AOPEP: variants seen among roughly 807,000 people sequenced by gnomAD.
AOPEP encodes the protein aminopeptidase O (putative).
Under a neutral mutation model 98.1 loss-of-function variants are expected in AOPEP, and 77 were observed. The ratio of observed to expected loss-of-function variants is 0.78; its 90% confidence interval spans 0.65 to 0.95. The LOEUF (loss-of-function observed/expected upper bound fraction) is 0.95, where lower values mean the gene tolerates loss of function less well. Among genes scored for constraint, AOPEP ranks in the 40% least tolerant of loss-of-function variants. The pLI, the probability that AOPEP is intolerant of heterozygous loss-of-function variation, is 0.00. For synonymous variants in AOPEP, 346 were observed against 365.3 expected (o/e 0.95, Z 0.60); for missense variants, 1,024 against 1,024.7 (o/e 1.00, Z 0.01).
the AOPEP span, among the ~76,000 whole-genome samples, chr9:95,140,122 A>G: frequency 6.6e-6 from 1 of 152,010 alleles, no homozygotes; most frequent in African/African-American, 2.4e-5. Flanking sequence ...TATCATAGTT[A>G]TGTTTTAGGA....
intron 7 of AOPEP, among the ~76,000 whole-genome samples, chr9:94,945,102 G>A (rs1177067070): frequency 1.3e-5 from 2 of 152,110 alleles, no homozygotes; most frequent in African/African-American, 4.8e-5. Context: ...TTGGATGGAT[G>A]GAAGACATCT....
At chr9:94,922,825 T>G (rs544690492) in intron 5 of AOPEP, among the ~76,000 whole-genome samples, 1 of 152,320 alleles carries the variant, frequency 6.6e-6, no homozygotes, top group East Asian at 1.9e-4. Context: ...GCTGTCTGTT[T>G]TGGCAGACAT....
chr9:95,025,048 C>T (rs1644853587), intron 13 of AOPEP, among the ~76,000 whole-genome samples: 1 of 152,126 alleles, frequency 6.6e-6, no homozygotes, highest in South Asian at 2.1e-4. Flanking sequence ...TTATAAAAAT[C>T]AAATCATTAT....
At chr9:95,110,673 C>T in the AOPEP span, 2 of 1,050,908 alleles carry the variant, frequency 1.9e-6, no homozygotes, top group Non-Finnish European at 1.1e-6. Flanking sequence ...ACAGAAAATG[C>T]CAAAGCCAAG....
chr9:95,108,493 G>A, the AOPEP span, among the ~76,000 whole-genome samples: 1 of 152,198 alleles, frequency 6.6e-6, no homozygotes, highest in African/African-American at 2.4e-5. Flanking sequence ...CCCTAAGATG[G>A]GGTCTATCTT....
At chr9:95,140,142 G>C in the AOPEP span, among the ~76,000 whole-genome samples, 1 of 151,894 alleles carries the variant, frequency 6.6e-6, no homozygotes, top group African/African-American at 2.4e-5. Flanking sequence ...AAATGGGGTG[G>C]ACATTTAGAA....
intron 14 of AOPEP, among the ~76,000 whole-genome samples, chr9:95,069,328 A>G (rs1233416175): frequency 6.6e-6 from 1 of 152,226 alleles, no homozygotes; most frequent in African/African-American, 2.4e-5. Context: ...TAGAGGAGGT[A>G]ACGATGGTCA....
intron 14 of AOPEP, among the ~76,000 whole-genome samples, chr9:95,071,814 A>G (rs2068540100): frequency 6.6e-6 from 1 of 152,198 alleles, no homozygotes; most frequent in African/African-American, 2.4e-5. Context: ...TGTCTCCAGT[A>G]TTGGGGTACT....
intron 7 of AOPEP, among the ~76,000 whole-genome samples, chr9:94,936,980 C>T (rs1158528429): frequency 2.0e-5 from 3 of 152,182 alleles, no homozygotes; most frequent in African/African-American, 7.2e-5. Context: ...GTGCCCCTTT[C>T]CCTGCGTTCA....
intron 13 of AOPEP, among the ~76,000 whole-genome samples, chr9:95,031,205 A>G (rs2064268445): frequency 6.6e-6 from 1 of 152,244 alleles, no homozygotes; most frequent in Non-Finnish European, 1.5e-5. Context: ...ATGCGTGGCC[A>G]AAGAATGTCA....
At chr9:95,089,048 G>A (rs1220082922), downstream of AOPEP, among the ~76,000 whole-genome samples, 1 of 152,208 alleles carries the variant, frequency 6.6e-6, no homozygotes, top group African/African-American at 2.4e-5. Context: ...CCAGGCAGGA[G>A]GCTCCCCGAG....
intron 5 of AOPEP, among the ~76,000 whole-genome samples, chr9:94,881,416 C>G (rs534348216): frequency 2.6e-5 from 4 of 152,068 alleles, no homozygotes; most frequent in Non-Finnish European, 5.9e-5. Flanking sequence ...AAAAGAATTT[C>G]TTGTTCTAGG....
intron 10 of AOPEP, among the ~76,000 whole-genome samples, chr9:94,971,198 A>G (rs1383818245): frequency 2.6e-5 from 4 of 152,120 alleles, no homozygotes; most frequent in African/African-American, 9.7e-5. Context: ...TAATTGTGGA[A>G]CTTAAGAGCA....
intron 5 of AOPEP, among the ~76,000 whole-genome samples, chr9:94,915,284 T>G (rs569561066): frequency 6.6e-6 from 1 of 152,356 alleles, no homozygotes; most frequent in East Asian, 1.9e-4. Context: ...ATCATCATTT[T>G]ATTTTTTCTT....
chr9:94,744,275 C>G (rs1007287952), intron 1 of AOPEP, among the ~76,000 whole-genome samples: 1 of 152,024 alleles, frequency 6.6e-6, no homozygotes, highest in Non-Finnish European at 1.5e-5. Flanking sequence ...GCCTGTAGTC[C>G]CAGCTACTCG....
At chr9:94,875,557 T>C (rs1318046686) in intron 5 of AOPEP, among the ~76,000 whole-genome samples, 1 of 152,178 alleles carries the variant, frequency 6.6e-6, no homozygotes, top group Non-Finnish European at 1.5e-5. Flanking sequence ...GTTTGAATAG[T>C]TGGCCACCTG....
chr9:95,048,668 G>A (rs868049322), intron 13 of AOPEP: 6 of 152,228 alleles, frequency 3.9e-5, no homozygotes, highest in African/African-American at 1.4e-4. Context: ...ACGGGAGCGG[G>A]GCTGCTATGT....
At chr9:94,984,575 A>G (rs2060400541) in intron 11 of AOPEP, among the ~76,000 whole-genome samples, 1 of 152,226 alleles carries the variant, frequency 6.6e-6, no homozygotes, top group Non-Finnish European at 1.5e-5. Flanking sequence ...AATGTTTTTA[A>G]AAATATTGGT....
In AOPEP at chr9:94,955,180, C is replaced by G. The variant is rs764602498; in HGVS notation, c.1665C>G (p.Pro555=). Residue 555 remains proline (P), a synonymous_variant, in exon 8 of 17, where the codon CCC becomes CCG. Coordinates refer to ENST00000375315, the MANE Select transcript of AOPEP (RefSeq NM_001193329.3). The part of the protein sequence containing the change: ...CSPEEMQVLR[P]SKDKTGHTSD... The stretch of plus-strand genomic sequence containing the variant: ...AATTGTTACTAAATCGTTTTAGACC[C>G]AGTAAAGACAAAACTGGCCACACAA... 4.4e-6 allele frequency: 7 copies of G among 1,603,518 alleles called. No individual in the cohort carries two copies. The East Asian group carries it at 1.6e-4, about 36-fold the overall frequency.
Sources: allele counts gnomAD v4.1 joint callset (sites outside exome capture counted in the v4.1 genomes callset), GRCh38; gene constraint gnomAD v4.1.1; transcripts MANE v1.5; gene names NCBI Gene and HGNC (gene_info 2026-07-23, HGNC 2026-07-21).